The following PIEZO1 variants were observed in gnomAD, a reference collection of about 807,000 sequenced individuals.
The protein encoded by PIEZO1 is piezo type mechanosensitive ion channel component 1 (Er blood group), also known as piezo-type mechanosensitive ion channel component 1.
In PIEZO1, 296 loss-of-function variants were observed where a neutral mutation model predicts 297.2. That is an observed-to-expected ratio of 1.00 (90% CI 0.91 to 1.10). The LOEUF is 1.10. Ranked by LOEUF, PIEZO1 falls within the 50% of genes least tolerant of loss-of-function variation. The probability of loss-of-function intolerance (pLI) is 0.00; values close to 1 mark genes in which losing one functional copy is unlikely to be tolerated. For synonymous variants in PIEZO1, 2,427 were observed against 1,507.5 expected, an observed-to-expected ratio of 1.61 and a Z score of -14.13; for missense variants, 5,018 against 3,455.5, an observed-to-expected ratio of 1.45 and a Z score of -11.34.
At position 88,770,494 on chromosome 16, in the gene PIEZO1, C is replaced by T. The variant is rs138009833; in HGVS notation, c.64+14407G>A. ...GTCCAGAGTCTGCCAGGACACTGAG[C>T]AGGGCGTTCTCCTCAGGGGCGGCTC... On this transcript the variant is annotated intron_variant, in intron 1 of 50. Transcript: ENST00000301015. 9.4e-3 allele frequency among the ~76,000 whole-genome samples: 1,429 copies of T among 152,312 alleles called. 23 individuals are homozygous for T. The highest frequency in any genetic ancestry group is 0.033 in the African/African-American group (1,353 of 41,568).
At position 88,717,976 on chromosome 16, in the gene PIEZO1, G is replaced by A. The variant is rs147624280; in HGVS notation, c.6472-765C>T. 1.5e-3 allele frequency: 502 copies of A among 338,492 alleles called. 13 individuals carry two copies. The East Asian group carries it at 0.036, about 24-fold the overall frequency. 21.0% of individuals were successfully genotyped at this position (338,492 alleles called of 1,614,324 possible). ...TGCACACCTGTAGTCCCAGCTACTCGGGAGGCTGAGGTGGGAGAATCGCTT... is the reference window on the plus strand; with the variant it reads ...TGCACACCTGTAGTCCCAGCTACTCAGGAGGCTGAGGTGGGAGAATCGCTT... On this transcript the variant is annotated intron_variant, in intron 44 of 50. Coordinates refer to ENST00000301015, the MANE Select transcript of PIEZO1 (RefSeq NM_001142864.4).
chr16:88,721,017 C>T (rs1406080906), intron 39 of PIEZO1, 149 bp downstream of exon 39: 10 of 865,988 alleles, frequency 1.2e-5, no homozygotes, highest in Non-Finnish European at 1.4e-5. Flanking sequence ...TAGGCAGAGC[C>T]GGGAGCTGTG....
At chr16:88,725,347 C>T in intron 29 of PIEZO1, 69 bp downstream of exon 29, 4 of 972,168 alleles carry the variant, frequency 4.1e-6, no homozygotes, top group Non-Finnish European at 5.9e-6. Flanking sequence ...GGCACAGACG[C>T]AGCACACGCC....
chr16:88,733,219 G>T, intron 19 of PIEZO1, 59 bp downstream of exon 19: 1 of 1,453,972 alleles, frequency 6.9e-7, no homozygotes, highest in South Asian at 1.3e-5. Context: ...AGGAGGGTCG[G>T]GCTGCGAATA....
At chr16:88,762,276 A>C (rs1240176805) in intron 1 of PIEZO1, among the ~76,000 whole-genome samples, 3 of 151,730 alleles carry the variant, frequency 2.0e-5, no homozygotes, top group Admixed American at 1.3e-4. Context: ...CTTTGCACAC[A>C]GCAGGCACTC....
chr16:88,749,514 AGAG>A (rs1567683388), intron 1 of PIEZO1, 35 bp from the exon 2 acceptor site: 1 of 1,464,332 alleles, frequency 6.8e-7, no homozygotes, highest in South Asian at 1.2e-5. Flanking sequence ...GGTCGCCAAC[AGAG>A]GATGGCCAGC....
At chr16:88,725,297 A>G in intron 29 of PIEZO1, 119 bp downstream of exon 29, 1 of 724,468 alleles carries the variant, frequency 1.4e-6, no homozygotes, top group Non-Finnish European at 2.2e-6. Flanking sequence ...GATCATGCGG[A>G]CAGGACAGGC....
Position 88,726,720 on chromosome 16 carries a change from G to A in PIEZO1, c.3694C>T (p.Leu1232=). The part of the protein sequence containing the change: ...NVTVIISKNM[L]SLLACVFVEQ... ...CGGGGGGGCCGGAGGCTCACCGACA[G>A]CATGTTCTTGGAGATGATGACGGTG... Residue 1232 remains leucine, a synonymous_variant, in exon 25 of 51, where the codon CTG becomes TTG. Coordinates refer to ENST00000301015, the MANE Select transcript of PIEZO1 (RefSeq NM_001142864.4). 5 of 1,549,836 alleles carry A rather than the reference G, an allele frequency of 3.2e-6. No individual in the cohort carries two copies. Among genetic ancestry groups the A allele is most frequent in the South Asian group, 2.4e-5 (2 of 84,042 alleles).
At chr16:88,754,018 C>G (rs1906529840) in intron 1 of PIEZO1, among the ~76,000 whole-genome samples, 4 of 152,226 alleles carry the variant, frequency 2.6e-5, no homozygotes, top group Non-Finnish European at 5.9e-5. Flanking sequence ...GCCTGTGACC[C>G]CGTGGGGGTA....
At chr16:88,733,847 C>A in intron 17 of PIEZO1, 59 bp downstream of exon 17, 3 of 1,461,600 alleles carry the variant, frequency 2.1e-6, no homozygotes, top group Non-Finnish European at 2.7e-6. Flanking sequence ...CAACGCCCCC[C>A]GAGCTGGGAC....
rs767807051 is a variant in PIEZO1, at chr16:88,716,808, G to C, written c.6751C>G (p.Pro2251Ala). Residue 2251 changes from proline to alanine, a missense_variant and splice_region_variant, in exon 46 of 51, where the codon CCG (proline) becomes GCG (alanine). Pro to Ala is a conservative substitution (Grantham distance 27, BLOSUM62 -1). Transcript: ENST00000301015. ...EELSRQFDPQ[P>A]LAMQFISQYS... is the part of the protein sequence containing the mutation. The stretch of plus-strand genomic sequence containing the variant: ...TTCACAGGGCAGAGGCCACTTACCG[G>C]CTGGGGGTCAAACTGCCGGGACAGC... 3.2e-6 allele frequency: 5 copies of C among 1,549,978 alleles called. No individual in the cohort carries two copies. The South Asian group carries it at 5.9e-5, about 18-fold the overall frequency.
Position 88,732,691 on chromosome 16 carries a change from G to T in PIEZO1, c.2706C>A (p.Ser902Arg). The T allele has an allele frequency of 6.5e-7, 1 of 1,549,314 alleles. No individual in the cohort carries two copies. The highest frequency in any genetic ancestry group is 8.7e-7 in the Non-Finnish European group (1 of 1,146,274). ...NSTNLLPTEI[S>R]QSLLYRGPVD... ...CGGGCCCCCGGTACAGCAGGGACTGGCTGATCTCCGTGGGCAGCAAGTTGG... is the reference window on the plus strand; with the variant it reads ...CGGGCCCCCGGTACAGCAGGGACTGTCTGATCTCCGTGGGCAGCAAGTTGG... Residue 902 changes from serine to arginine, a missense_variant, in exon 20 of 51, where the codon AGC becomes AGA. Coordinates refer to ENST00000301015, the MANE Select transcript of PIEZO1 (RefSeq NM_001142864.4).
chr16:88,754,162 GC>G (rs900145983), intron 1 of PIEZO1, among the ~76,000 whole-genome samples: 2 of 152,192 alleles, frequency 1.3e-5, no homozygotes, highest in Non-Finnish European at 2.9e-5. Context: ...AGAGAGCCCA[GC>G]CATCACCCAT....
chr16:88,746,404 C>G (rs1745458923), intron 2 of PIEZO1, among the ~76,000 whole-genome samples: 1 of 152,166 alleles, frequency 6.6e-6, no homozygotes. Flanking sequence ...GGAGCCACCC[C>G]CTGTGGCTCT....
chr16:88,721,421 G>A lies in PIEZO1; in HGVS notation c.5413C>T (p.Leu1805Phe), dbSNP rs201769196. ...FHRSQLLCYG[L>F]WDHEEDSPSK... ...GGTGAGTCCTCCTCATGGTCCCAGA[G>A]GCCATAGCACTGAGGGGCGGGAGGG... The change falls in exon 39 of 51, where the codon CTC becomes TTC. Residue 1805 changes from leucine (L) to phenylalanine (F), a missense_variant. By Grantham distance (22) the Leu-to-Phe change is conservative (BLOSUM62 0). Coordinates refer to ENST00000301015, the MANE Select transcript of PIEZO1 (RefSeq NM_001142864.4). The A allele has an allele frequency of 3.2e-4, 492 of 1,549,162 alleles. 5 individuals carry two copies. The Middle Eastern group carries it at 5.2e-3, about 16-fold the overall frequency.
intron 1 of PIEZO1, among the ~76,000 whole-genome samples, chr16:88,751,606 C>T (rs548980990): frequency 1.3e-5 from 2 of 152,212 alleles, no homozygotes; most frequent in South Asian, 2.1e-4. Flanking sequence ...CTCCCATTAA[C>T]GCACCAAGCA....
In PIEZO1 at chr16:88,734,059, G is replaced by A. The variant is rs1376483637; in HGVS notation, c.2181-5C>T. 9.3e-6 allele frequency: 14 copies of A among 1,500,678 alleles called. No individual in the cohort carries two copies. Among genetic ancestry groups the A allele is most frequent in the Non-Finnish European group, 1.3e-5 (14 of 1,117,336 alleles). 93.0% of individuals were successfully genotyped at this position (1,500,678 alleles called of 1,614,324 possible). A position where few individuals can be genotyped will look rare whatever the true frequency, so the allele number is the denominator to read the frequency against. Reference sequence around the variant, plus strand: ...GTCCCACTCACTGCATCCTGCCTGGGAGAGGGTCCGAAAATGTCATCTCCC... The same window carrying A: ...GTCCCACTCACTGCATCCTGCCTGGAAGAGGGTCCGAAAATGTCATCTCCC... On this transcript the variant is annotated splice_polypyrimidine_tract_variant and splice_region_variant and intron_variant, in intron 16 of 50. Coordinates refer to ENST00000301015, the MANE Select transcript of PIEZO1 (RefSeq NM_001142864.4).
At chr16:88,736,049 G>T in intron 12 of PIEZO1, 99 bp downstream of exon 12, 1 of 1,225,390 alleles carries the variant, frequency 8.2e-7, no homozygotes, top group Non-Finnish European at 1.1e-6. Context: ...CTGCCTTCTT[G>T]GCGCTGCCAC....
At chr16:88,727,331 C>A in intron 23 of PIEZO1, 139 bp from the exon 24 acceptor site, 4 of 1,035,754 alleles carry the variant, frequency 3.9e-6, no homozygotes, top group Non-Finnish European at 5.4e-6. Context: ...GGTGAGTGGC[C>A]GGGTGTCCCT....
Sources: allele counts gnomAD v4.1 joint callset (sites outside exome capture counted in the v4.1 genomes callset), GRCh38; gene constraint gnomAD v4.1.1; transcripts MANE v1.5; gene names NCBI Gene and HGNC (gene_info 2026-07-23, HGNC 2026-07-21).